Variants in VAV2 observed in about 807,000 individuals in gnomAD.
The protein encoded by VAV2 is vav guanine nucleotide exchange factor 2.
VAV2 carries 67 observed loss-of-function variants against 132.5 expected under a neutral mutation model. That is an observed-to-expected ratio of 0.51 (90% CI 0.42 to 0.62). The LOEUF (loss-of-function observed/expected upper bound fraction) is 0.62. Ranked by LOEUF, VAV2 falls within the 20% of genes least tolerant of loss-of-function variation. The probability of loss-of-function intolerance (pLI) is 0.00; values close to 1 mark genes in which losing one functional copy is unlikely to be tolerated. For missense variants in VAV2, 938 were observed against 1,153.6 expected (o/e 0.81, Z 2.71); for synonymous variants, 492 against 443.5 (o/e 1.11, Z -1.37).
chr9:133,766,004 TG>T (rs1330454532), intron 29 of VAV2, among the ~76,000 whole-genome samples: 1 of 152,184 alleles, frequency 6.6e-6, no homozygotes, highest in Non-Finnish European at 1.5e-5. Flanking sequence ...GAAATAAGGA[TG>T]GTTTTAGATT....
At chr9:133,783,612 G>A in intron 18 of VAV2, 21 bp from the exon 19 acceptor site, 1 of 1,613,300 alleles carries the variant, frequency 6.2e-7, no homozygotes, top group Non-Finnish European at 8.5e-7. Context: ...GAGGGCAGGA[G>A]GTGAGGTCGA....
intron 2 of VAV2, among the ~76,000 whole-genome samples, chr9:133,915,063 T>C (rs911991973): frequency 6.6e-6 from 1 of 151,672 alleles, no homozygotes; most frequent in Non-Finnish European, 1.5e-5. Context: ...CACCAAGGAG[T>C]GCTTTGAAAC....
chr9:133,933,730 G>GTGGATGGA (rs58689542), intron 2 of VAV2, among the ~76,000 whole-genome samples: 105,404 of 132,448 alleles, frequency 0.8, 43,163 homozygotes, highest in East Asian at 0.92. Context: ...TGGATGGATG[G>GTGGATGGA]TGGATGAATG....
At position 133,786,963 on chromosome 9, in the gene VAV2, G is replaced by T. The variant is rs72762834; in HGVS notation, c.1422+283C>A. 5.1e-3 allele frequency among the ~76,000 whole-genome samples: 771 copies of T among 152,278 alleles called. 1 individual carries two copies. Among genetic ancestry groups the T allele is most frequent in the Middle Eastern group, 0.014 (4 of 292 alleles). On this transcript the variant is annotated intron_variant, in intron 16 of 29. Transcript: ENST00000371850. ...GGGAGAGAACACAGAAAAACAAAAA[G>T]GATGATGGAGAGCTGAAGAGAGACC... is the stretch of plus-strand genomic sequence containing the variant.
At chr9:133,814,016 G>A (rs1195116941) in intron 4 of VAV2, among the ~76,000 whole-genome samples, 4 of 148,134 alleles carry the variant, frequency 2.7e-5, no homozygotes, top group South Asian at 2.3e-4. Context: ...CTCCCCACCC[G>A]CCCTCCACCA....
intron 9 of VAV2, among the ~76,000 whole-genome samples, chr9:133,801,117 C>T (rs1440932385): frequency 3.3e-5 from 5 of 152,210 alleles, no homozygotes; most frequent in Middle Eastern, 3.2e-3. Context: ...CACTCACACA[C>T]GGCTGTGAGT....
At position 133,961,169 on chromosome 9, in the gene VAV2, CA is replaced by C. The variant is rs1331359517; in HGVS notation, c.205-21951del. 6.6e-6 allele frequency among the ~76,000 whole-genome samples: 1 copy of C among 152,246 alleles called. No homozygotes were observed. Among genetic ancestry groups the C allele is most frequent in the Admixed American group, 6.5e-5 (1 of 15,286 alleles). Reference sequence around the variant, plus strand: ...CCAAGGCCACCTCGGCTTCATTCACCAAGCGGTCCCCAAGAAACAATCACTG... The same window carrying C: ...CCAAGGCCACCTCGGCTTCATTCACCAGCGGTCCCCAAGAAACAATCACTG... On this transcript the variant is annotated intron_variant, in intron 1 of 29. Coordinates refer to ENST00000371850, the MANE Select transcript of VAV2 (RefSeq NM_001134398.2). This position sits in a 1 kb window ranked among gnomAD's most constrained non-coding sequence, Gnocchi z 4.1.
rs72762838 is a variant in VAV2 at position 133,802,696 on chromosome 9, C to G, written c.836+3385G>C. Among the ~76,000 whole-genome samples the G allele has an allele frequency of 6.6e-6, 1 of 152,172 alleles. No homozygotes were observed. The highest frequency in any genetic ancestry group is 1.5e-5 in the Non-Finnish European group (1 of 68,028). ...CAAATTCTGAACCCACCACACGGTG[C>G]ACAAATGCCTCCTCCAGAGATGCCT... On this transcript the variant is annotated intron_variant, in intron 9 of 29. Transcript: ENST00000371850. This position sits in a 1 kb window ranked among gnomAD's most constrained non-coding sequence, Gnocchi z 5.8.
At chr9:133,765,962 C>T (rs1833417865) in intron 29 of VAV2, among the ~76,000 whole-genome samples, 1 of 152,094 alleles carries the variant, frequency 6.6e-6, no homozygotes. Flanking sequence ...ATGTTACAAA[C>T]ATTTTACAAT....
chr9:133,828,128 C>G lies in VAV2; in HGVS notation c.449+6144G>C, dbSNP rs370818013. Reference sequence around the variant, plus strand: ...TGACCACTGAGCGGGGGCATCACCACCTACCGCTGCGCCCACTGAGGCTGA... The same window carrying G: ...TGACCACTGAGCGGGGGCATCACCAGCTACCGCTGCGCCCACTGAGGCTGA... On this transcript the variant is annotated intron_variant, in intron 4 of 29. Coordinates refer to ENST00000371850, the MANE Select transcript of VAV2 (RefSeq NM_001134398.2). Among the ~76,000 whole-genome samples, 2 of 2,112 alleles carry G rather than the reference C, an allele frequency of 9.5e-4. 1 individual carries two copies. The highest frequency in any genetic ancestry group is 1.7e-3 in the Non-Finnish European group (2 of 1,144). 1.4% of individuals were successfully genotyped at this position (2,112 alleles called of 152,430 possible).
chr9:133,862,333 G>A (rs1016444126), intron 2 of VAV2, among the ~76,000 whole-genome samples: 1 of 152,236 alleles, frequency 6.6e-6, no homozygotes, highest in Non-Finnish European at 1.5e-5. Context: ...GAGCTGGCTG[G>A]CCCAGGGGCA....
chr9:133,795,408 G>C (rs1834668349), intron 12 of VAV2, among the ~76,000 whole-genome samples: 1 of 152,120 alleles, frequency 6.6e-6, no homozygotes, highest in Non-Finnish European at 1.5e-5. Context: ...GGGAGGGGAG[G>C]CTCAAGGGAG....
intron 2 of VAV2, among the ~76,000 whole-genome samples, chr9:133,920,029 GCCCCAGTGTGGA>G (rs1405404104): frequency 6.6e-6 from 1 of 152,164 alleles, no homozygotes; most frequent in African/African-American, 2.4e-5. Context: ...CTGGGCGTGG[GCCCCAGTGTGGA>G]CCCCATCCTC....
At chr9:133,820,204 T>C (rs1835729710) in intron 4 of VAV2, among the ~76,000 whole-genome samples, 1 of 152,222 alleles carries the variant, frequency 6.6e-6, no homozygotes, top group Non-Finnish European at 1.5e-5. Context: ...GTGGTGTCAC[T>C]TGGGGAAACA....
At chr9:133,951,423 G>A (rs1841556287) in intron 1 of VAV2, among the ~76,000 whole-genome samples, 1 of 152,200 alleles carries the variant, frequency 6.6e-6, no homozygotes, top group Non-Finnish European at 1.5e-5. Context: ...AGCTCCTGCT[G>A]GAGCCTCTCC....
chr9:133,979,093 C>T (rs1293871945), intron 1 of VAV2, among the ~76,000 whole-genome samples: 1 of 152,214 alleles, frequency 6.6e-6, no homozygotes, highest in African/African-American at 2.4e-5. Context: ...GGGAGGGGCA[C>T]TGAGGCTTCG....
At chr9:133,848,151 G>A (rs1001262896) in intron 3 of VAV2, among the ~76,000 whole-genome samples, 3 of 151,618 alleles carry the variant, frequency 2.0e-5, no homozygotes, top group African/African-American at 7.3e-5. Flanking sequence ...GTAGTGGCGG[G>A]CGCCTGTAGT....
chr9:133,966,216 G>A (rs754938450), intron 1 of VAV2, among the ~76,000 whole-genome samples: 4 of 152,282 alleles, frequency 2.6e-5, no homozygotes, highest in Non-Finnish European at 2.9e-5. Context: ...CCGGACATTG[G>A]TCTGGGCAAA....
chr9:133,957,019 C>G (rs897764711), intron 1 of VAV2, among the ~76,000 whole-genome samples: 1 of 152,014 alleles, frequency 6.6e-6, no homozygotes, highest in Non-Finnish European at 1.5e-5. Flanking sequence ...CAGCTCCCCA[C>G]CCAGCTCCCC....
Sources: gnomAD v4.1 joint callset for allele counts (sites outside exome capture counted in the v4.1 genomes callset) on GRCh38, gnomAD v4.1.1 for gene constraint, Gnocchi (gnomAD v3.1) non-coding constraint, MANE v1.5 for transcripts, NCBI Gene and HGNC (gene_info 2026-07-23, HGNC 2026-07-21) for gene names.